The following ERBB4 variants were observed in gnomAD, a reference collection of about 807,000 sequenced individuals.
The protein encoded by ERBB4 is erb-b2 receptor tyrosine kinase 4, also known as receptor tyrosine-protein kinase erbB-4.
Under a neutral mutation model 158.0 loss-of-function variants are expected in ERBB4, and 42 were observed. The ratio of observed to expected loss-of-function variants is 0.27; its 90% CI spans 0.21 to 0.34. The LOEUF is 0.34. ERBB4 is among the 10% of genes least tolerant of loss of function. The pLI is 1.00. For synonymous variants in ERBB4, 583 were observed against 558.7 expected (o/e 1.04, Z -0.61); for missense variants, 1,333 against 1,624.1 (o/e 0.82, Z 3.08).
chr2:211,950,639 C>A (rs1410897624), intron 2 of ERBB4, among the ~76,000 whole-genome samples: 1 of 151,896 alleles, frequency 6.6e-6, no homozygotes, highest in Non-Finnish European at 1.5e-5. Context: ...CCTAATGGAG[C>A]AAAAGTGGAG....
chr2:211,422,894 A>G (rs1390106442), intron 23 of ERBB4, among the ~76,000 whole-genome samples: 1 of 151,910 alleles, frequency 6.6e-6, no homozygotes, highest in Non-Finnish European at 1.5e-5. Context: ...GCATGTTTTT[A>G]AACTTTCTTC....
intron 1 of ERBB4, among the ~76,000 whole-genome samples, chr2:212,528,370 C>A (rs551855383): frequency 1.3e-5 from 2 of 152,094 alleles, no homozygotes; most frequent in Non-Finnish European, 2.9e-5. Context: ...GTAACTGGAC[C>A]AGACTAGTGC....
intron 5 of ERBB4, among the ~76,000 whole-genome samples, chr2:211,750,078 A>C: frequency 6.6e-6 from 1 of 152,176 alleles, no homozygotes; most frequent in African/African-American, 2.4e-5. Flanking sequence ...CAATGATGAT[A>C]GCTTCATATT....
intron 25 of ERBB4, among the ~76,000 whole-genome samples, chr2:211,388,246 T>G (rs2062728513): frequency 6.6e-6 from 1 of 152,150 alleles, no homozygotes; most frequent in Admixed American, 6.6e-5. Context: ...AAGCAAAATT[T>G]TTCAATGGAT....
At chr2:211,977,530 T>TAAAAAAAAAAA (rs1394107563) in intron 2 of ERBB4, among the ~76,000 whole-genome samples, 153 of 6,682 alleles carry the variant, frequency 0.023, 1 homozygote, top group South Asian at 0.087. Context: ...GATATTGACT[T>TAAAAAAAAAAA]TAAAAAAAAA....
intron 12 of ERBB4, among the ~76,000 whole-genome samples, chr2:211,684,174 G>A (rs538108971): frequency 2.5e-4 from 38 of 152,230 alleles, no homozygotes; most frequent in African/African-American, 7.7e-4. Context: ...CCAAGTGGCC[G>A]GACACGGTGG....
intron 16 of ERBB4, among the ~76,000 whole-genome samples, chr2:211,637,045 T>C (rs924534188): frequency 6.6e-6 from 1 of 151,954 alleles, no homozygotes; most frequent in African/African-American, 2.4e-5. Context: ...CAAACTAGGG[T>C]CAAATGTTAC....
At chr2:212,489,203 C>T (rs777443613) in intron 1 of ERBB4, among the ~76,000 whole-genome samples, 2 of 151,900 alleles carry the variant, frequency 1.3e-5, no homozygotes, top group Middle Eastern at 3.4e-3. Context: ...GTAGATCTGA[C>T]GCCCATGAAG....
chr2:212,134,408 G>T (rs1367221243), intron 1 of ERBB4, among the ~76,000 whole-genome samples: 1 of 151,684 alleles, frequency 6.6e-6, no homozygotes, highest in Non-Finnish European at 1.5e-5. Context: ...AGGGCCAAAA[G>T]AGTTTAAAAA....
At chr2:211,888,110 G>A (rs1243959732) in intron 3 of ERBB4, among the ~76,000 whole-genome samples, 1 of 151,748 alleles carries the variant, frequency 6.6e-6, no homozygotes, top group Non-Finnish European at 1.5e-5. Flanking sequence ...TTCCTTTTTT[G>A]CTAAGAAGCT....
At chr2:212,286,767 A>ATTTTTTTTTTGTTT (rs2085995744) in intron 1 of ERBB4, among the ~76,000 whole-genome samples, 1 of 39,562 alleles carries the variant, frequency 2.5e-5, no homozygotes, top group Non-Finnish European at 4.2e-5. Context: ...ATGAGGGTTA[A>ATTTTTTTTTTGTTT]TTTTTTTTTT....
intron 4 of ERBB4, among the ~76,000 whole-genome samples, chr2:211,774,032 C>T (rs953412317): frequency 9.9e-5 from 15 of 151,558 alleles, no homozygotes; most frequent in Non-Finnish European, 1.5e-4. Context: ...TGGACTAGTA[C>T]GGTCTTAGAT....
At chr2:211,872,693 T>C (rs12466874) in intron 3 of ERBB4, among the ~76,000 whole-genome samples, 80,249 of 151,798 alleles carry the variant, frequency 0.53, 22,428 homozygotes, top group African/African-American at 0.7. Context: ...GAAATAATTG[T>C]TGTGCATTTA....
chr2:212,376,348 G>T (rs1303273867), intron 1 of ERBB4, among the ~76,000 whole-genome samples: 1 of 152,172 alleles, frequency 6.6e-6, no homozygotes, highest in Non-Finnish European at 1.5e-5. Context: ...CAAGAGCAAA[G>T]GTTGTGGCAA....
intron 9 of ERBB4, 116 bp from the exon 10 acceptor site, chr2:211,705,507 C>A: frequency 1.4e-6 from 1 of 739,862 alleles, no homozygotes; most frequent in South Asian, 1.5e-5. Context: ...GGGGTGTTAT[C>A]AATGCATGTT....
At chr2:212,378,498 T>C (rs1212403561) in intron 1 of ERBB4, among the ~76,000 whole-genome samples, 3 of 151,860 alleles carry the variant, frequency 2.0e-5, no homozygotes, top group African/African-American at 7.2e-5. Flanking sequence ...TGGCCTTTTG[T>C]CTCCAGCAAA....
intron 1 of ERBB4, among the ~76,000 whole-genome samples, chr2:212,205,864 T>A (rs983495917): frequency 4.6e-5 from 7 of 152,194 alleles, no homozygotes; most frequent in African/African-American, 1.7e-4. Flanking sequence ...GTTGATAAAG[T>A]ACCATTTCAA....
chr2:211,909,506 G>A (rs971179129), intron 3 of ERBB4, among the ~76,000 whole-genome samples: 6 of 151,642 alleles, frequency 4.0e-5, no homozygotes, highest in East Asian at 2.0e-4. Context: ...CTATAAATCC[G>A]TACATTATGG....
At chr2:212,137,137 T>C (rs1032769128) in intron 1 of ERBB4, among the ~76,000 whole-genome samples, 2 of 152,194 alleles carry the variant, frequency 1.3e-5, no homozygotes, top group Non-Finnish European at 2.9e-5. Flanking sequence ...TTTTACAAGA[T>C]AATCATACTT....
Sources: allele counts gnomAD v4.1 joint callset (sites outside exome capture counted in the v4.1 genomes callset), GRCh38; gene constraint gnomAD v4.1.1; transcripts MANE v1.5; gene names NCBI Gene and HGNC (gene_info 2026-07-23, HGNC 2026-07-21).